Variants in ARID5B observed in about 807,000 individuals in gnomAD.
ARID5B encodes AT-rich interaction domain 5B.
ARID5B carries 13 observed loss-of-function variants against 97.2 expected under a neutral mutation model. The observed-to-expected ratio is 0.13, with a 90% CI of 0.09 to 0.21. ARID5B has a LOEUF of 0.21. Ranked by LOEUF, ARID5B falls within the 10% of genes least tolerant of loss-of-function variation. The pLI, the probability that ARID5B is intolerant of heterozygous loss-of-function variation, is 1.00. For missense variants in ARID5B, 1,210 were observed against 1,465.3 expected, an observed-to-expected ratio of 0.83 and a Z score of 2.84; for synonymous variants, 556 against 570.3, an observed-to-expected ratio of 0.97 and a Z score of 0.36.
chr10:62,091,227 T>A lies in ARID5B; in HGVS notation c.1764T>A (p.Ser588Arg), dbSNP rs1360498816. Residue 588 changes from serine (S) to arginine (R), a missense_variant, in exon 10 of 10, where the codon AGT becomes AGA. Ser to Arg is a moderately radical substitution (Grantham distance 110). Transcript: ENST00000279873. ...GCTGTTTTACAGAGAGCCCTGAAAG[T>A]GAACCCCAAGAAGCATCCTTCCCCA... ...KLCCFTESPESEPQEASFPSF... is the reference protein window; with the variant it reads ...KLCCFTESPEREPQEASFPSF... The A allele has an allele frequency of 1.2e-6, 2 of 1,614,096 alleles. No individual in the cohort carries two copies. The highest frequency in any genetic ancestry group is 2.2e-5 in the East Asian group (1 of 44,876).
At chr10:62,055,290 C>T (rs1839840569) in intron 5 of ARID5B, among the ~76,000 whole-genome samples, 1 of 152,158 alleles carries the variant, frequency 6.6e-6, no homozygotes, top group Admixed American at 6.5e-5. Context: ...CCAGATTCCC[C>T]ACTTACTAAC....
intron 7 of ARID5B, among the ~76,000 whole-genome samples, chr10:62,065,128 ATAG>A (rs1328964271): frequency 6.6e-6 from 1 of 152,188 alleles, no homozygotes; most frequent in East Asian, 1.9e-4. Flanking sequence ...TTTTATGAAC[ATAG>A]TAGGTGTGGA....
Position 62,091,808 on chromosome 10 carries a change from A to C in ARID5B, c.2345A>C (p.Asp782Ala). Residue 782 changes from aspartate to alanine, a missense_variant, in exon 10 of 10, where the codon GAT becomes GCT. Physicochemically the swap from Asp to Ala is moderately radical, Grantham distance 126 (BLOSUM62 -2). Around this residue, in one of 8 missense-constraint regions of ARID5B, gnomAD observed 800 missense variants for 839.1 expected, o/e 0.95. Coordinates refer to ENST00000279873, the MANE Select transcript of ARID5B (RefSeq NM_032199.3). ...AAGCATGAGAAACTGAGTCGATCAG[A>C]TCCCCACCGCTGCAGCTTCTCCAAG... is the stretch of plus-strand genomic sequence containing the variant. ...IFKHEKLSRS[D>A]PHRCSFSKHH... is the part of the protein sequence containing the mutation. 1 of 1,614,096 alleles carries C rather than the reference A, an allele frequency of 6.2e-7. No homozygotes were observed. Among genetic ancestry groups the C allele is most frequent in the African/African-American group, 1.3e-5 (1 of 75,020 alleles).
At chr10:62,015,363 C>T (rs1167152343) in intron 4 of ARID5B, among the ~76,000 whole-genome samples, 1 of 152,214 alleles carries the variant, frequency 6.6e-6, no homozygotes. Flanking sequence ...TTCAACACAG[C>T]TGCTTTAGTG....
intron 6 of ARID5B, 88 bp downstream of exon 6, chr10:62,057,406 G>A: frequency 7.5e-7 from 1 of 1,326,376 alleles, no homozygotes; most frequent in Non-Finnish European, 1.1e-6. Context: ...GGATTATGTT[G>A]AAATCCTAAT....
rs527751598 is a variant in ARID5B, at chr10:62,092,256, C to T, written c.2793C>T (p.Pro931=). The part of the protein sequence containing the change: ...VLGLAHSTTG[P]QESKGISQFQ... The stretch of plus-strand genomic sequence containing the variant: ...GCCTGGCTCATTCCACCACAGGGCC[C>T]CAGGAGAGCAAAGGCATCTCCCAGT... Residue 931 remains proline (P), a synonymous_variant, in exon 10 of 10, where the codon CCC becomes CCT. Coordinates refer to ENST00000279873, the MANE Select transcript of ARID5B (RefSeq NM_032199.3). 3.0e-5 allele frequency: 48 copies of T among 1,608,028 alleles called. No homozygotes were observed. The East Asian group carries it at 9.6e-4, about 32-fold the overall frequency.
At chr10:62,070,180 G>A (rs949742823) in intron 8 of ARID5B, among the ~76,000 whole-genome samples, 1 of 151,992 alleles carries the variant, frequency 6.6e-6, no homozygotes, top group Non-Finnish European at 1.5e-5. Context: ...CATAATATTA[G>A]CATTGAAAAG....
At chr10:62,028,670 C>T (rs940577426) in intron 4 of ARID5B, among the ~76,000 whole-genome samples, 1 of 152,024 alleles carries the variant, frequency 6.6e-6, no homozygotes, top group Non-Finnish European at 1.5e-5. Context: ...ACATAAAGCT[C>T]TTAGAAGGGG....
intron 3 of ARID5B, among the ~76,000 whole-genome samples, chr10:61,984,502 G>A (rs1838819846): frequency 6.6e-6 from 1 of 152,170 alleles, no homozygotes; most frequent in African/African-American, 2.4e-5. Flanking sequence ...TCTGGACATT[G>A]AACGTGGTCT....
At chr10:62,081,026 C>T (rs1314348695) in intron 8 of ARID5B, among the ~76,000 whole-genome samples, 1 of 152,058 alleles carries the variant, frequency 6.6e-6, no homozygotes, top group Non-Finnish European at 1.5e-5. Context: ...TGGTCTCGAA[C>T]TCCTGACCCC....
intron 7 of ARID5B, among the ~76,000 whole-genome samples, chr10:62,062,148 TTTTGAAG>T: frequency 6.6e-6 from 1 of 152,370 alleles, no homozygotes; most frequent in South Asian, 2.1e-4. Context: ...GGGCATTGAA[TTTTGAAG>T]TCAGTCCAGG....
intron 4 of ARID5B, among the ~76,000 whole-genome samples, chr10:62,026,332 A>G (rs1258435920): frequency 6.6e-6 from 1 of 152,176 alleles, no homozygotes; most frequent in African/African-American, 2.4e-5. Flanking sequence ...GAGTGTGCTC[A>G]TTTATTTATG....
At chr10:62,069,239 A>G (rs75796378) in intron 7 of ARID5B, among the ~76,000 whole-genome samples, 2,522 of 152,354 alleles carry the variant, frequency 0.017, 57 homozygotes, top group African/African-American at 0.057. Context: ...ATACAAAAGC[A>G]TGTTTGGTAA....
intron 3 of ARID5B, among the ~76,000 whole-genome samples, chr10:61,957,565 G>T (rs959200608): frequency 6.6e-6 from 1 of 152,164 alleles, no homozygotes; most frequent in African/African-American, 2.4e-5. Context: ...CACTGCGCCC[G>T]GCCTGTCTTG....
At chr10:62,046,170 C>T (rs969421583) in intron 4 of ARID5B, among the ~76,000 whole-genome samples, 2 of 152,030 alleles carry the variant, frequency 1.3e-5, no homozygotes, top group Non-Finnish European at 2.9e-5. Flanking sequence ...TATCTATCTT[C>T]GTGGTATTTC....
intron 8 of ARID5B, among the ~76,000 whole-genome samples, chr10:62,075,201 C>A (rs1045104939): frequency 2.6e-5 from 4 of 152,228 alleles, no homozygotes; most frequent in African/African-American, 9.6e-5. Context: ...GGGACCAGCC[C>A]ACACTGTTGC....
intron 9 of ARID5B, among the ~76,000 whole-genome samples, chr10:62,087,400 A>T (rs779347363): frequency 5.3e-5 from 8 of 151,514 alleles, no homozygotes; most frequent in Non-Finnish European, 1.0e-4. Context: ...TTTCATATTA[A>T]CAGGTAGTTT....
chr10:61,932,525 C>T (rs1254975835), intron 2 of ARID5B, among the ~76,000 whole-genome samples: 1 of 151,846 alleles, frequency 6.6e-6, no homozygotes, highest in Non-Finnish European at 1.5e-5. Flanking sequence ...ATCCTTCCAC[C>T]TCAGCCCCTG....
chr10:61,940,285 G>A lies in ARID5B; in HGVS notation c.379G>A (p.Gly127Arg), dbSNP rs1481632794. 5 of 1,614,170 alleles carry A rather than the reference G, an allele frequency of 3.1e-6. No individual in the cohort carries two copies. In the African/African-American group the frequency reaches 6.7e-5, roughly 22 times the overall value. ...CAAGTGGAGATGTGGCTTCCACGCT[G>A]GACCAGTGAAAACTGAGGCCTTGGG... ...FSKWRCGFHA[G>R]PVKTEALGRN... The change falls in exon 3 of 10, where the codon GGA becomes AGA. Residue 127 changes from glycine (G) to arginine (R), a missense_variant. Gly to Arg is a moderately radical substitution (Grantham distance 125). Coordinates refer to ENST00000279873, the MANE Select transcript of ARID5B (RefSeq NM_032199.3).
Sources: gnomAD v4.1 joint callset for allele counts (sites outside exome capture counted in the v4.1 genomes callset) on GRCh38, gnomAD v4.1.1 for gene constraint, gnomAD v4.1.1 regional missense constraint, MANE v1.5 for transcripts, NCBI Gene and HGNC (gene_info 2026-07-23, HGNC 2026-07-21) for gene names.